Variants in BTBD9 observed in about 807,000 individuals in gnomAD.
The protein encoded by BTBD9 is BTB/POZ domain-containing protein 9.
Under a neutral mutation model 64.3 loss-of-function variants are expected in BTBD9, and 49 were observed. The ratio of observed to expected loss-of-function variants is 0.76; its 90% confidence interval spans 0.61 to 0.97. BTBD9 has a LOEUF of 0.97. Among genes scored for constraint, BTBD9 ranks in the 50% least tolerant of loss-of-function variants. The pLI is 0.00. For missense variants in BTBD9, 598 were observed against 762.1 expected (o/e 0.78, Z 2.53); for synonymous variants, 260 against 274.7 (o/e 0.95, Z 0.53).
chr6:38,220,545 A>G (rs1221369136), intron 9 of BTBD9, among the ~76,000 whole-genome samples: 1 of 152,264 alleles, frequency 6.6e-6, no homozygotes, highest in Non-Finnish European at 1.5e-5. Flanking sequence ...ACAATGTATG[A>G]TTCATTTTAG....
rs375072294 is a variant in BTBD9 at position 38,535,840 on chromosome 6, C to A, written c.1154+41760G>T. On this transcript the variant is annotated intron_variant, in intron 6 of 10. Coordinates refer to ENST00000481247, the MANE Select transcript of BTBD9 (RefSeq NM_001099272.2). The stretch of plus-strand genomic sequence containing the variant: ...ATGAAACTCTGTCCACAACAAAAAC[C>A]AAGTCAAAATGGATTAAAGACTTAA... 3.3e-5 allele frequency among the ~76,000 whole-genome samples: 5 copies of A among 151,940 alleles called. No individual in the cohort carries two copies. In the East Asian group the frequency reaches 9.6e-4, roughly 29 times the overall value.
intron 9 of BTBD9, among the ~76,000 whole-genome samples, chr6:38,215,882 A>T (rs1561884207): frequency 6.6e-6 from 1 of 152,192 alleles, no homozygotes; most frequent in Non-Finnish European, 1.5e-5. Flanking sequence ...ACAACAAAAA[A>T]ATCAGACCAA....
At chr6:38,310,264 C>T (rs1203502325) in intron 7 of BTBD9, among the ~76,000 whole-genome samples, 2 of 152,098 alleles carry the variant, frequency 1.3e-5, no homozygotes, top group African/African-American at 2.4e-5. Context: ...CCTGAGGCAC[C>T]AGTCCAGGTC....
At chr6:38,580,866 C>T (rs537128149) in intron 4 of BTBD9, among the ~76,000 whole-genome samples, 1 of 151,880 alleles carries the variant, frequency 6.6e-6, no homozygotes, top group African/African-American at 2.4e-5. Flanking sequence ...AACAAATCAG[C>T]TCTGCTGAGT....
At chr6:38,201,486 G>A (rs1199708347) in intron 9 of BTBD9, among the ~76,000 whole-genome samples, 1 of 152,026 alleles carries the variant, frequency 6.6e-6, no homozygotes, top group Non-Finnish European at 1.5e-5. Flanking sequence ...AGCTAACATC[G>A]TACTGAATGG....
chr6:38,618,383 C>T (rs1258251214), intron 1 of BTBD9, among the ~76,000 whole-genome samples: 1 of 152,192 alleles, frequency 6.6e-6, no homozygotes, highest in African/African-American at 2.4e-5. Context: ...ACCTTATGTC[C>T]AAGCTTTCTT....
At chr6:38,545,718 G>A (rs1436348577) in intron 6 of BTBD9, among the ~76,000 whole-genome samples, 1 of 147,328 alleles carries the variant, frequency 6.8e-6, no homozygotes, top group Non-Finnish European at 1.5e-5. Flanking sequence ...GGCAGAGCTT[G>A]CAGTGAGCCG....
chr6:38,557,437 A>G (rs1330350324), intron 6 of BTBD9, among the ~76,000 whole-genome samples: 1 of 152,242 alleles, frequency 6.6e-6, no homozygotes, highest in African/African-American at 2.4e-5. Context: ...CTGTGTGATT[A>G]TAAGTTCAAT....
At chr6:38,316,853 T>C (rs1251268424) in intron 7 of BTBD9, among the ~76,000 whole-genome samples, 3 of 152,230 alleles carry the variant, frequency 2.0e-5, no homozygotes, top group Admixed American at 6.5e-5. Flanking sequence ...GAACTCCCTT[T>C]GGCATTTCTT....
intron 6 of BTBD9, among the ~76,000 whole-genome samples, chr6:38,442,079 GA>G (rs1562193031): frequency 6.6e-6 from 1 of 152,138 alleles, no homozygotes; most frequent in Non-Finnish European, 1.5e-5. Flanking sequence ...AGATTGCACA[GA>G]AATACATATA....
intron 6 of BTBD9, among the ~76,000 whole-genome samples, chr6:38,409,483 T>G (rs13205736): frequency 0.27 from 40,815 of 152,090 alleles, 6,148 homozygotes; most frequent in Non-Finnish European, 0.34. Flanking sequence ...CAGATGTTCA[T>G]AAACTCCTGT....
chr6:38,588,574 T>A (rs1776651562), intron 4 of BTBD9: 2 of 559,064 alleles, frequency 3.6e-6, no homozygotes, highest in African/African-American at 3.8e-5. Flanking sequence ...GCTATTGGCC[T>A]CCCAAAAGAC....
rs527269341 is a variant in BTBD9 at position 38,349,286 on chromosome 6, C to T, written c.1155-4193G>A. Among the ~76,000 whole-genome samples the T allele has an allele frequency of 1.1e-4, 16 of 152,174 alleles. No homozygotes were observed. In the South Asian group the frequency reaches 2.9e-3, roughly 28 times the overall value. On this transcript the variant is annotated intron_variant, in intron 6 of 10. Coordinates refer to ENST00000481247, the MANE Select transcript of BTBD9 (RefSeq NM_001099272.2). ...TAAATGAGACAAGTATTGAAAATAT[C>T]GAATGCAGTGCTTGGCAGAGTAGGA...
At position 38,567,323 on chromosome 6, in the gene BTBD9, AACC is replaced by A. The variant is rs1271314389; in HGVS notation, c.1154+10274_1154+10276del. Among the ~76,000 whole-genome samples, 7 of 152,356 alleles carry A rather than the reference AACC, an allele frequency of 4.6e-5. No individual in the cohort carries two copies. In the East Asian group the frequency reaches 1.2e-3, roughly 25 times the overall value. ...GAATTTCTATGACTATTAGAAATTA[AACC>A]TATAGCTTCTTATCATGAAGGACAT... On this transcript the variant is annotated intron_variant, in intron 6 of 10. Coordinates refer to ENST00000481247, the MANE Select transcript of BTBD9 (RefSeq NM_001099272.2).
intron 9 of BTBD9, among the ~76,000 whole-genome samples, chr6:38,251,769 G>A (rs1420988849): frequency 6.6e-6 from 1 of 151,740 alleles, no homozygotes; most frequent in Non-Finnish European, 1.5e-5. Context: ...GCATATGCCT[G>A]TAATCTCAAC....
chr6:38,236,685 C>T (rs1561909964), intron 9 of BTBD9, among the ~76,000 whole-genome samples: 3 of 152,138 alleles, frequency 2.0e-5, no homozygotes. Flanking sequence ...AATGTGGGCA[C>T]AGTAATATGA....
chr6:38,449,985 A>G (rs1769447456), intron 6 of BTBD9, among the ~76,000 whole-genome samples: 1 of 152,224 alleles, frequency 6.6e-6, no homozygotes, highest in African/African-American at 2.4e-5. Flanking sequence ...TCATTCCAGC[A>G]CTATTCATAA....
At chr6:38,626,199 C>G (rs144020975) in intron 1 of BTBD9, among the ~76,000 whole-genome samples, 2,652 of 152,246 alleles carry the variant, frequency 0.017, 59 homozygotes, top group African/African-American at 0.057. Context: ...TAGGTATATA[C>G]ATTTATGGGG....
At chr6:38,434,472 C>G (rs970513165) in intron 6 of BTBD9, among the ~76,000 whole-genome samples, 1 of 151,912 alleles carries the variant, frequency 6.6e-6, no homozygotes, top group Non-Finnish European at 1.5e-5. Context: ...TGAGTTGTCC[C>G]ACCTTTCTGG....
Sources: gnomAD v4.1 joint callset for allele counts (sites outside exome capture counted in the v4.1 genomes callset) on GRCh38, gnomAD v4.1.1 for gene constraint, MANE v1.5 for transcripts, NCBI Gene and HGNC (gene_info 2026-07-23, HGNC 2026-07-21) for gene names.